Variants in TNS4 observed in about 807,000 individuals in gnomAD.
The protein encoded by TNS4 is tensin 4, also known as tensin-4.
In TNS4, 46 loss-of-function variants were observed where a neutral mutation model predicts 70.4. That is an observed-to-expected ratio of 0.65 (90% confidence interval 0.52 to 0.84). The LOEUF (loss-of-function observed/expected upper bound fraction) is 0.84. Ranked by LOEUF, TNS4 falls within the 40% of genes least tolerant of loss-of-function variation. The pLI is 0.00. For synonymous variants in TNS4, 390 were observed against 366.6 expected (o/e 1.06, Z -0.73); for missense variants, 863 against 907.0 (o/e 0.95, Z 0.62).
intron 2 of TNS4, among the ~76,000 whole-genome samples, chr17:40,489,931 C>CAGGCCTCAGT (rs2036045457): frequency 6.6e-6 from 1 of 151,958 alleles, no homozygotes; most frequent in South Asian, 2.1e-4. Flanking sequence ...GGGGTGAACC[C>CAGGCCTCAGT]AGGCCTCAGT....
chr17:40,490,025 C>G (rs1178795034), intron 2 of TNS4, among the ~76,000 whole-genome samples: 3 of 152,198 alleles, frequency 2.0e-5, no homozygotes, highest in Non-Finnish European at 4.4e-5. Context: ...TCCACCCCTA[C>G]AGAAACATAA....
rs1258071274 is a variant in TNS4, at chr17:40,488,703, T to C, written c.706A>G (p.Met236Val). The stretch of plus-strand genomic sequence containing the variant: ...TGGGGGCTCGAGGCCTTGCTCCCCA[T>C]GCAAGGGATTGAGATGCTGGGGGAA... ...PNSPSISIPC[M>V]GSKASSPHGL... is the part of the protein sequence containing the mutation. The change falls in exon 3 of 13, where the codon ATG becomes GTG. Residue 236 changes from methionine (M) to valine (V), a missense_variant. Met to Val is a conservative substitution (Grantham distance 21). Coordinates refer to ENST00000254051, the MANE Select transcript of TNS4 (RefSeq NM_032865.6). 2 of 1,585,256 alleles carry C rather than the reference T, an allele frequency of 1.3e-6. No homozygotes were observed. Among genetic ancestry groups the C allele is most frequent in the African/African-American group, 2.8e-5 (2 of 72,598 alleles).
chr17:40,481,167 T>C (rs1386947395), intron 8 of TNS4, among the ~76,000 whole-genome samples: 7 of 152,058 alleles, frequency 4.6e-5, no homozygotes, highest in Non-Finnish European at 1.0e-4. Flanking sequence ...AAACAGCCCT[T>C]CTCGAGCTTC....
chr17:40,497,606 CTAAACAAA>C (rs532218353), intron 1 of TNS4, among the ~76,000 whole-genome samples: 285 of 152,190 alleles, frequency 1.9e-3, no homozygotes, highest in Admixed American at 5.6e-3. Context: ...CTGTCTCTAA[CTAAACAAA>C]TAAACAAATA....
rs78581969 is a variant in TNS4, at chr17:40,495,968, C to T, written c.439+19G>A. ...CTGGCACCAAGCCCCCCTCCTGGTACTGTGCCCCAAATCCTTACCCAAGGC... is the reference window on the plus strand; with the variant it reads ...CTGGCACCAAGCCCCCCTCCTGGTATTGTGCCCCAAATCCTTACCCAAGGC... On this transcript the variant is annotated intron_variant, in intron 2 of 12. Transcript: ENST00000254051. 0.1 allele frequency: 162,935 copies of T among 1,591,734 alleles called. 9,347 individuals are homozygous for T. Among genetic ancestry groups the T allele is most frequent in the Middle Eastern group, 0.15 (915 of 5,930 alleles).
intron 6 of TNS4, among the ~76,000 whole-genome samples, chr17:40,483,389 C>T (rs2035951057): frequency 1.3e-5 from 2 of 152,054 alleles, no homozygotes; most frequent in East Asian, 1.9e-4. Context: ...TTTGTAGCGA[C>T]AGGGTTTTGC....
At position 40,499,549 on chromosome 17, in the gene TNS4, C is replaced by T. The variant is rs79454987; in HGVS notation, c.-96+1985G>A. ...GGTCGCACAGGTTTCATGAGAAAAG[C>T]CAGGGCCCCTTCCCCTCTCCTGCCT... is the stretch of plus-strand genomic sequence containing the variant. On this transcript the variant is annotated intron_variant, in intron 1 of 12. Transcript: ENST00000254051. 2.0e-5 allele frequency among the ~76,000 whole-genome samples: 3 copies of T among 152,348 alleles called. No individual in the cohort carries two copies. The East Asian group carries it at 5.8e-4, about 29-fold the overall frequency.
In TNS4 at chr17:40,476,429, T is replaced by TGTGTGTGTG. The variant is rs2035850100; in HGVS notation, c.*1158_*1159insCACACACAC. Reference sequence around the variant, plus strand: ...GTGTGTGTGTGTGTGTGTGTGTGTGTTGGAGCGTGGGTTGGGGGAGGGCTC... The same window carrying TGTGTGTGTG: ...GTGTGTGTGTGTGTGTGTGTGTGTGTGTGTGTGTGTGGAGCGTGGGTTGGGGGAGGGCTC... On this transcript the variant is annotated 3_prime_UTR_variant, in exon 13 of 13. Coordinates refer to ENST00000254051, the MANE Select transcript of TNS4 (RefSeq NM_032865.6). 2 of 81,894 alleles carry TGTGTGTGTG rather than the reference T, an allele frequency of 2.4e-5. No homozygotes were observed. Among genetic ancestry groups the TGTGTGTGTG allele is most frequent in the Admixed American group, 2.2e-4 (2 of 9,228 alleles). The allele number at this position is 81,894 out of a possible 1,614,324, so 5.1% of individuals were successfully genotyped here. A position where few individuals can be genotyped will look rare whatever the true frequency, so the allele number is the denominator to read the frequency against.
rs1171103608 is a variant in TNS4 at position 40,476,760 on chromosome 17, G to C, written c.*828C>G. The C allele has an allele frequency of 6.6e-6, 1 of 152,292 alleles. No homozygotes were observed. The highest frequency in any genetic ancestry group is 1.5e-5 in the Non-Finnish European group (1 of 68,170). The allele number at this position is 152,292 out of a possible 1,614,324, so 9.4% of individuals were successfully genotyped here. A position where few individuals can be genotyped will look rare whatever the true frequency, so the allele number is the denominator to read the frequency against. Reference sequence around the variant, plus strand: ...TGCCTGTAATCCCAGCTACTTGGGAGCCTGAGGCAGGATAATTGCTTGAAC... The same window carrying C: ...TGCCTGTAATCCCAGCTACTTGGGACCCTGAGGCAGGATAATTGCTTGAAC... On this transcript the variant is annotated 3_prime_UTR_variant, in exon 13 of 13. Coordinates refer to ENST00000254051, the MANE Select transcript of TNS4 (RefSeq NM_032865.6).
intron 2 of TNS4, 71 bp downstream of exon 2, chr17:40,495,915 AT>A: frequency 6.6e-7 from 1 of 1,504,044 alleles, no homozygotes; most frequent in Non-Finnish European, 8.9e-7. Context: ...TTCTCTGTAC[AT>A]AGGAAAATCC....
intron 2 of TNS4, among the ~76,000 whole-genome samples, chr17:40,495,366 T>C (rs894869679): frequency 1.3e-5 from 2 of 152,062 alleles, no homozygotes; most frequent in Admixed American, 6.6e-5. Flanking sequence ...TAGTTTGAAA[T>C]TGGCCACAGT....
In TNS4 at chr17:40,487,116, G is replaced by A; in HGVS notation, c.1208C>T (p.Ala403Val). 1.2e-6 allele frequency: 2 copies of A among 1,614,236 alleles called. No homozygotes were observed. Among genetic ancestry groups the A allele is most frequent in the South Asian group, 2.2e-5 (2 of 91,080 alleles). Residue 403 changes from alanine to valine, a missense_variant, in exon 4 of 13, where the codon GCT becomes GTT. Transcript: ENST00000254051. Reference sequence around the variant, plus strand: ...GGCTGGACAGGGGTTGCTGGGAGAAGCAGCTCCAGGTTGAACGGAGTTCTG... The same window carrying A: ...GGCTGGACAGGGGTTGCTGGGAGAAACAGCTCCAGGTTGAACGGAGTTCTG... ...GHQNSVQPGA[A>V]SPSNPCPATR...
intron 1 of TNS4, among the ~76,000 whole-genome samples, chr17:40,498,774 C>T (rs1370654297): frequency 1.3e-5 from 2 of 152,170 alleles, no homozygotes; most frequent in African/African-American, 4.8e-5. Flanking sequence ...GTCTTGAACT[C>T]CTGGGCTCAA....
intron 1 of TNS4, among the ~76,000 whole-genome samples, chr17:40,500,619 C>G (rs1215995637): frequency 1.3e-5 from 2 of 152,188 alleles, no homozygotes; most frequent in East Asian, 3.9e-4. Context: ...GGCAAATCCC[C>G]TCTTCCGTGT....
At position 40,493,381 on chromosome 17, in the gene TNS4, A is replaced by G. The variant is rs1197284967; in HGVS notation, c.439+2606T>C. Among the ~76,000 whole-genome samples the G allele has an allele frequency of 1.1e-4, 17 of 152,176 alleles. 1 individual carries two copies. Among genetic ancestry groups the G allele is most frequent in the Non-Finnish European group, 1.5e-5 (1 of 68,032 alleles). The stretch of plus-strand genomic sequence containing the variant: ...CTCTGAATACATTTCGAGGTAAGAG[A>G]ACTCACCACAACGCTCAGAGTTGTA... On this transcript the variant is annotated intron_variant, in intron 2 of 12. Transcript: ENST00000254051.
Position 40,477,784 on chromosome 17 carries a change from G to C in TNS4, c.2007-55C>G, listed in dbSNP as rs1187262254. ...GTGGGACCCAGGGAGGCATCAGGCTGGTGGGAATGGGGTGGTGGGGGGCCC... is the reference window on the plus strand; with the variant it reads ...GTGGGACCCAGGGAGGCATCAGGCTCGTGGGAATGGGGTGGTGGGGGGCCC... On this transcript the variant is annotated intron_variant, in intron 12 of 12. Transcript: ENST00000254051. 13 of 1,587,640 alleles carry C rather than the reference G, an allele frequency of 8.2e-6. No homozygotes were observed. The South Asian group carries it at 1.5e-4, about 18-fold the overall frequency.
chr17:40,480,842 G>C (rs1384255726), intron 8 of TNS4, 74 bp from the exon 9 acceptor site: 2 of 1,514,736 alleles, frequency 1.3e-6, no homozygotes, highest in East Asian at 2.4e-5. Flanking sequence ...ACAGGAACAG[G>C]CCTCATGAAT....
At position 40,487,425 on chromosome 17, in the gene TNS4, T is replaced by C. The variant is rs774214909; in HGVS notation, c.899A>G (p.His300Arg). 1.9e-6 allele frequency: 3 copies of C among 1,612,404 alleles called. No individual in the cohort carries two copies. The highest frequency in any genetic ancestry group is 4.5e-5 in the East Asian group (2 of 44,836). The change falls in exon 4 of 13, where the codon CAT (histidine) becomes CGT (arginine). Residue 300 changes from histidine (H) to arginine (R), a missense_variant. Coordinates refer to ENST00000254051, the MANE Select transcript of TNS4 (RefSeq NM_032865.6). ...QSLLHSSNSS[H>R]QSSSRSLESP... Reference sequence around the variant, plus strand: ...TTCCAAGGATCTGGAAGATGACTGATGGCTGGAGTTGCTGGAGTGCAGGAG... The same window carrying C: ...TTCCAAGGATCTGGAAGATGACTGACGGCTGGAGTTGCTGGAGTGCAGGAG...
intron 1 of TNS4, among the ~76,000 whole-genome samples, chr17:40,498,683 G>C (rs910924127): frequency 6.6e-6 from 1 of 152,016 alleles, no homozygotes; most frequent in Non-Finnish European, 1.5e-5. Flanking sequence ...TCACCCTCCC[G>C]AGTAGCTGGG....
Sources: gnomAD v4.1 joint callset for allele counts (sites outside exome capture counted in the v4.1 genomes callset) on GRCh38, gnomAD v4.1.1 for gene constraint, MANE v1.5 for transcripts, NCBI Gene and HGNC (gene_info 2026-07-23, HGNC 2026-07-21) for gene names.